UGT2B17: variants seen among roughly 807,000 people sequenced by gnomAD.
The protein encoded by UGT2B17 is UDP glucuronosyltransferase family 2 member B17.
A neutral mutation model predicts 48.2 loss-of-function variants in UGT2B17; 21 were observed. That is an observed-to-expected ratio of 0.44 (90% CI 0.31 to 0.63). The LOEUF is 0.63. Among genes scored for constraint, UGT2B17 ranks in the 20% least tolerant of loss-of-function variants. The pLI, the probability that UGT2B17 is intolerant of heterozygous loss-of-function variation, is 0.08. For synonymous variants in UGT2B17, 146 were observed against 238.4 expected, an observed-to-expected ratio of 0.61 and a Z score of 3.57; for missense variants, 402 against 696.1, an observed-to-expected ratio of 0.58 and a Z score of 4.75.
At chr4:68,567,460 A>T (rs116495105) in intron 2 of UGT2B17, among the ~76,000 whole-genome samples, 1,859 of 126,298 alleles carry the variant, frequency 0.015, 381 homozygotes, top group African/African-American at 0.048. Context: ...GTATCTATTG[A>T]CTTTTTTAAA....
At chr4:68,544,536 C>G (rs1730754960) in intron 6 of UGT2B17, among the ~76,000 whole-genome samples, 1 of 125,622 alleles carries the variant, frequency 8.0e-6, no homozygotes. Context: ...ACGGCATCAA[C>G]TATCGAGCAA....
At position 68,569,756 on chromosome 4, in the gene UGT2B17, G is replaced by A. The variant is rs1178446291; in HGVS notation, c.-64-1208C>T. Among the ~76,000 whole-genome samples the A allele has an allele frequency of 4.0e-5, 5 of 126,064 alleles. 1 individual carries two copies. The highest frequency in any genetic ancestry group is 6.7e-5 in the Non-Finnish European group (4 of 59,390). 82.7% of individuals were successfully genotyped at this position (126,064 alleles called of 152,430 possible). A position where few individuals can be genotyped will look rare whatever the true frequency, so the allele number is the denominator to read the frequency against. ...CATCCAGATACTACATAGCAGTCAC[G>A]TTAGATTGGGACACTTACTCTTTAC... On this transcript the variant is annotated intron_variant, in intron 1 of 6. Coordinates refer to ENST00000317746, the MANE Select transcript of UGT2B17 (RefSeq NM_001077.4).
In UGT2B17 at chr4:68,559,149, G is replaced by A. The variant is rs538024882; in HGVS notation, c.1005+1388C>T. 6.3e-4 allele frequency among the ~76,000 whole-genome samples: 78 copies of A among 124,152 alleles called. 15 individuals carry two copies. The highest frequency in any genetic ancestry group is 1.7e-3 in the African/African-American group (61 of 36,580). 81.4% of individuals were successfully genotyped at this position (124,152 alleles called of 152,430 possible). On this transcript the variant is annotated intron_variant, in intron 4 of 6. Transcript: ENST00000317746. Reference sequence around the variant, plus strand: ...AATTTATTAATTTTTGAGTGATATGGGAAGAGTTTACTTATATCCACTTGT... The same window carrying A: ...AATTTATTAATTTTTGAGTGATATGAGAAGAGTTTACTTATATCCACTTGT...
Position 68,576,070 on chromosome 4 carries a change from C to T in UGT2B17, c.-184G>A, listed in dbSNP as rs769280477. Among the ~76,000 whole-genome samples the T allele has an allele frequency of 3.2e-5, 4 of 125,236 alleles. 1 individual carries two copies. Among genetic ancestry groups the T allele is most frequent in the Non-Finnish European group, 6.8e-5 (4 of 59,212 alleles). The allele number at this position is 125,236 out of a possible 152,430, so 82.2% of individuals were successfully genotyped here. ...GTGAGGTGTTCCACTGGGGCAATTT[C>T]CTACCCAGGAGCGCTCTTTGGATCT... is the stretch of plus-strand genomic sequence containing the variant. On this transcript the variant is annotated 5_prime_UTR_variant, in exon 1 of 7. Transcript: ENST00000317746.
rs181370404 is a variant in UGT2B17 at position 68,562,559 on chromosome 4, T to G, written c.874-1891A>C. The stretch of plus-strand genomic sequence containing the variant: ...TTTGTCTCATTCACTGACAAAAGTC[T>G]TCTTCATCCACCAAGTATTGAAGTA... On this transcript the variant is annotated intron_variant, in intron 3 of 6. Transcript: ENST00000317746. Among the ~76,000 whole-genome samples the G allele has an allele frequency of 7.8e-4, 99 of 126,494 alleles. 26 individuals are homozygous for G. The South Asian group carries it at 8.1e-3, about 10-fold the overall frequency. The allele number at this position is 126,494 out of a possible 152,430, so 83.0% of individuals were successfully genotyped here. A position where few individuals can be genotyped will look rare whatever the true frequency, so the allele number is the denominator to read the frequency against.
chr4:68,546,890 A>G (rs1311807219), intron 6 of UGT2B17, among the ~76,000 whole-genome samples: 2 of 124,688 alleles, frequency 1.6e-5, no homozygotes, highest in Non-Finnish European at 3.4e-5. Flanking sequence ...GACCTCTTCA[A>G]GGAGAACTAC....
Position 68,565,175 on chromosome 4 carries a change from T to A in UGT2B17, c.873+397A>T, listed in dbSNP as rs1324222713. Among the ~76,000 whole-genome samples the A allele has an allele frequency of 9.5e-5, 12 of 126,606 alleles. 2 individuals carry two copies. The highest frequency in any genetic ancestry group is 3.2e-4 in the African/African-American group (12 of 37,046). 83.1% of individuals were successfully genotyped at this position (126,606 alleles called of 152,430 possible). A position where few individuals can be genotyped will look rare whatever the true frequency, so the allele number is the denominator to read the frequency against. On this transcript the variant is annotated intron_variant, in intron 3 of 6. Coordinates refer to ENST00000317746, the MANE Select transcript of UGT2B17 (RefSeq NM_001077.4). The stretch of plus-strand genomic sequence containing the variant: ...TTTTAGACTTTTCTTTTTCACTTGT[T>A]TTTATTCTATCTTTCAAAGTACAAT...
intron 1 of UGT2B17, among the ~76,000 whole-genome samples, chr4:68,572,581 A>C (rs188137087): frequency 0.041 from 5,207 of 126,538 alleles, 1,208 homozygotes; most frequent in African/African-American, 0.13. Flanking sequence ...GACGATTATG[A>C]GGGCGTGATC....
chr4:68,564,260 G>T lies in UGT2B17; in HGVS notation c.873+1312C>A, dbSNP rs1190488028. Reference sequence around the variant, plus strand: ...AGTAGCTCTCCATTGTCCTTAATGGGTATATCAAATTTCATATATATATAT... The same window carrying T: ...AGTAGCTCTCCATTGTCCTTAATGGTTATATCAAATTTCATATATATATAT... On this transcript the variant is annotated intron_variant, in intron 3 of 6. Transcript: ENST00000317746. Among the ~76,000 whole-genome samples, 2 of 109,882 alleles carry T rather than the reference G, an allele frequency of 1.8e-5. 1 individual carries two copies. The highest frequency in any genetic ancestry group is 3.6e-5 in the Non-Finnish European group (2 of 55,796). 72.1% of individuals were successfully genotyped at this position (109,882 alleles called of 152,430 possible).
Position 68,537,857 on chromosome 4 carries a change from G to T in UGT2B17, c.1361C>A (p.Pro454Gln). Residue 454 changes from proline (P) to glutamine (Q), a missense_variant, in exon 7 of 7, where the codon CCG becomes CAG. Coordinates refer to ENST00000317746, the MANE Select transcript of UGT2B17 (RefSeq NM_001077.4). ...MKLSRIHHDQ[P>Q]VKPLDRAVFW... is the part of the protein sequence containing the mutation. The stretch of plus-strand genomic sequence containing the variant: ...GACTGCTCGATCCAGGGGCTTCACC[G>T]GTTGATCATGATGAATTCTTGATAA... 6.5e-6 allele frequency: 9 copies of T among 1,374,628 alleles called. 3 individuals carry two copies. The highest frequency in any genetic ancestry group is 8.6e-6 in the Non-Finnish European group (9 of 1,052,490). The allele number at this position is 1,374,628 out of a possible 1,614,324, so 85.2% of individuals were successfully genotyped here.
rs1361103201 is a variant in UGT2B17, at chr4:68,548,557, C to G, written c.1313+2120G>C. 8.0e-5 allele frequency among the ~76,000 whole-genome samples: 10 copies of G among 124,866 alleles called. 1 individual carries two copies. Among genetic ancestry groups the G allele is most frequent in the Admixed American group, 1.7e-4 (2 of 12,034 alleles). The allele number at this position is 124,866 out of a possible 152,430, so 81.9% of individuals were successfully genotyped here. A position where few individuals can be genotyped will look rare whatever the true frequency, so the allele number is the denominator to read the frequency against. On this transcript the variant is annotated intron_variant, in intron 6 of 6. Transcript: ENST00000317746. ...AAGCTGCACCTTGTGCACAGATACC[C>G]TAAAACTTAAAGTATAATAAAAAAA...
intron 2 of UGT2B17, 81 bp from the exon 3 acceptor site, chr4:68,565,801 C>T: frequency 8.2e-7 from 1 of 1,212,604 alleles, no homozygotes; most frequent in Non-Finnish European, 1.0e-6. Flanking sequence ...AGGTATTTTC[C>T]TGAAAGGACT....
At chr4:68,544,263 G>A (rs1730748005) in intron 6 of UGT2B17, among the ~76,000 whole-genome samples, 1 of 126,918 alleles carries the variant, frequency 7.9e-6, no homozygotes, top group African/African-American at 2.7e-5. Context: ...CCAGAAGAGA[G>A]TGGGGGCCAA....
rs190036017 is a variant in UGT2B17, at chr4:68,570,246, G to A, written c.-64-1698C>T. Among the ~76,000 whole-genome samples the A allele has an allele frequency of 5.5e-5, 7 of 127,462 alleles. 2 individuals carry two copies. Among genetic ancestry groups the A allele is most frequent in the Non-Finnish European group, 1.0e-4 (6 of 59,866 alleles). 83.6% of individuals were successfully genotyped at this position (127,462 alleles called of 152,430 possible). A position where few individuals can be genotyped will look rare whatever the true frequency, so the allele number is the denominator to read the frequency against. On this transcript the variant is annotated intron_variant, in intron 1 of 6. Transcript: ENST00000317746. Reference sequence around the variant, plus strand: ...ACTAAAGATTTCACATGAAATGGTCGTGATTGATTTAAGCAAGCAGTGGGT... The same window carrying A: ...ACTAAAGATTTCACATGAAATGGTCATGATTGATTTAAGCAAGCAGTGGGT...
Position 68,551,872 on chromosome 4 carries a change from C to T in UGT2B17, c.1045G>A (p.Gly349Ser). ...CACTTATACAGTCGAGTATTGGAAC[C>T]TAAAGTATTTGGCTTCTTGCCATCA... is the stretch of plus-strand genomic sequence containing the variant. ...RFDGKKPNTL[G>S]SNTRLYKWLP... The change falls in exon 5 of 7, where the codon GGT becomes AGT. Residue 349 changes from glycine to serine, a missense_variant. Physicochemically the swap from Gly to Ser is moderately conservative, Grantham distance 56. This residue lies in a region of UGT2B17 where 156 missense variants were observed against 258.6 expected (regional missense o/e 0.60). Coordinates refer to ENST00000317746, the MANE Select transcript of UGT2B17 (RefSeq NM_001077.4). 4 of 1,366,226 alleles carry T rather than the reference C, an allele frequency of 2.9e-6. 1 individual carries two copies. The highest frequency in any genetic ancestry group is 3.8e-6 in the Non-Finnish European group (4 of 1,046,950). The allele number at this position is 1,366,226 out of a possible 1,614,324, so 84.6% of individuals were successfully genotyped here.
In UGT2B17 at chr4:68,566,041, TTAA is replaced by T. The variant is rs1731194704; in HGVS notation, c.725-324_725-322del. 1.7e-5 allele frequency among the ~76,000 whole-genome samples: 2 copies of T among 118,536 alleles called. 1 individual carries two copies. Among genetic ancestry groups the T allele is most frequent in the Non-Finnish European group, 3.5e-5 (2 of 57,678 alleles). 77.8% of individuals were successfully genotyped at this position (118,536 alleles called of 152,430 possible). A position where few individuals can be genotyped will look rare whatever the true frequency, so the allele number is the denominator to read the frequency against. On this transcript the variant is annotated intron_variant, in intron 2 of 6. Transcript: ENST00000317746. Reference sequence around the variant, plus strand: ...ATTTAATAAAGTTTAATATTTAATATTAATAAAATTTTATTAATTTTATTTTAT... The same window carrying T: ...ATTTAATAAAGTTTAATATTTAATATTAAAATTTTATTAATTTTATTTTAT...
intron 6 of UGT2B17, among the ~76,000 whole-genome samples, chr4:68,549,184 T>C (rs1349733560): frequency 8.0e-6 from 1 of 124,502 alleles, no homozygotes; most frequent in Non-Finnish European, 1.7e-5. Context: ...GGTACCACCT[T>C]ACATCATAAT....
chr4:68,559,724 C>T (rs1731068151), intron 4 of UGT2B17, among the ~76,000 whole-genome samples: 2 of 125,358 alleles, frequency 1.6e-5, no homozygotes, highest in Admixed American at 1.6e-4. Flanking sequence ...AAATAAGTTC[C>T]TACCATGTTT....
intron 1 of UGT2B17, among the ~76,000 whole-genome samples, chr4:68,569,158 G>T (rs1361661099): frequency 8.0e-6 from 1 of 124,338 alleles, no homozygotes; most frequent in Non-Finnish European, 1.7e-5. Flanking sequence ...GCATGCAGAG[G>T]CTTGCATTGT....
Sources: gnomAD v4.1 joint callset for allele counts (sites outside exome capture counted in the v4.1 genomes callset) on GRCh38, gnomAD v4.1.1 for gene constraint, gnomAD v4.1.1 regional missense constraint, MANE v1.5 for transcripts, NCBI Gene and HGNC (gene_info 2026-07-23, HGNC 2026-07-21) for gene names.